Variants in ARL17B observed in about 807,000 individuals in gnomAD.
ARL17B encodes ADP-ribosylation factor-like protein 17.
In ARL17B at chr17:46,325,962, TG is replaced by T. The variant is rs1196891718; in HGVS notation, c.260-26298del. Among the ~76,000 whole-genome samples, 12 of 68,384 alleles carry T rather than the reference TG, an allele frequency of 1.8e-4. 3 individuals are homozygous for T. Among genetic ancestry groups the T allele is most frequent in the African/African-American group, 3.2e-4 (10 of 30,850 alleles). 44.9% of individuals were successfully genotyped at this position (68,384 alleles called of 152,430 possible). On this transcript the variant is annotated intron_variant, in intron 3 of 4. Coordinates refer to the ARL17B transcript ENST00000434041. ...AAAGAAAATGTTTAAAATAAAAAGT[TG>T]GGGGCAGAAAAAGAATACCAAAAAT...
At chr17:46,275,278 G>C (rs1413201792) in exon 5 of ARL17B, 2 of 566,400 alleles carry the variant, frequency 3.5e-6, no homozygotes, top group Non-Finnish European at 5.9e-6. Flanking sequence ...TTTAGGTCAA[G>C]TCTTGTCAGG....
chr17:46,281,204 G>A (rs1159174259), intron 4 of ARL17B, among the ~76,000 whole-genome samples: 1 of 152,120 alleles, frequency 6.6e-6, no homozygotes, highest in Non-Finnish European at 1.5e-5. Flanking sequence ...GGCTTATAAT[G>A]TTTATCAACT....
At chr17:46,284,359 G>C (rs1228626410) in intron 4 of ARL17B, among the ~76,000 whole-genome samples, 2 of 152,228 alleles carry the variant, frequency 1.3e-5, no homozygotes, top group African/African-American at 2.4e-5. Context: ...CTGCCTTCAA[G>C]CATCTGTTTA....
chr17:46,287,748 G>C (rs76415878), intron 4 of ARL17B, among the ~76,000 whole-genome samples: 6,791 of 129,788 alleles, frequency 0.052, no homozygotes, highest in Non-Finnish European at 0.086. Flanking sequence ...GTATGGGGAA[G>C]GATGCAAAGA....
chr17:46,281,907 G>T (rs1397962045), intron 4 of ARL17B, among the ~76,000 whole-genome samples: 1 of 152,196 alleles, frequency 6.6e-6, no homozygotes, highest in Non-Finnish European at 1.5e-5. Context: ...GCCTCCCAAA[G>T]TGCTGGGATT....
At chr17:46,283,214 C>G (rs2532318) in intron 4 of ARL17B, among the ~76,000 whole-genome samples, 19,700 of 151,644 alleles carry the variant, frequency 0.13, 11 homozygotes, top group Middle Eastern at 0.2. Flanking sequence ...TATACCCCCA[C>G]CAGCCTTGCT....
intron 3 of ARL17B, among the ~76,000 whole-genome samples, chr17:46,313,011 G>T (rs2050888314): frequency 2.7e-5 from 3 of 111,156 alleles, no homozygotes; most frequent in African/African-American, 1.0e-4. Context: ...CTGGCACCTG[G>T]TGTTCTATAC....
At chr17:46,278,600 C>G (rs1234075043) in intron 4 of ARL17B, among the ~76,000 whole-genome samples, 3 of 151,676 alleles carry the variant, frequency 2.0e-5, no homozygotes, top group African/African-American at 7.3e-5. Flanking sequence ...GATGAGGTTT[C>G]ACCATCTTGG....
At chr17:46,288,771 T>C (rs1347817099) in intron 4 of ARL17B, among the ~76,000 whole-genome samples, 1 of 151,116 alleles carries the variant, frequency 6.6e-6, no homozygotes, top group Non-Finnish European at 1.5e-5. Context: ...TGGCACAATC[T>C]CGGCTCAGTG....
At chr17:46,280,789 G>A (rs554079191) in intron 4 of ARL17B, among the ~76,000 whole-genome samples, 4 of 152,250 alleles carry the variant, frequency 2.6e-5, no homozygotes, top group African/African-American at 9.6e-5. Flanking sequence ...GGCCAGGATG[G>A]TCTCGAAATG....
chr17:46,308,039 AATC>A lies in ARL17B; in HGVS notation c.260-8377_260-8375del, dbSNP rs1173177356. Among the ~76,000 whole-genome samples the A allele has an allele frequency of 6.8e-5, 5 of 73,140 alleles. 2 individuals are homozygous for A. The highest frequency in any genetic ancestry group is 1.8e-4 in the African/African-American group (5 of 28,426). The allele number at this position is 73,140 out of a possible 152,430, so 48.0% of individuals were successfully genotyped here. ...ATAATAATAATAATATAATAATAATAATCATCATCATCATCTAGCCAGCTTCAC... is the reference window on the plus strand; with the variant it reads ...ATAATAATAATAATATAATAATAATAATCATCATCATCTAGCCAGCTTCAC... On this transcript the variant is annotated intron_variant, in intron 3 of 4. Transcript: ENST00000434041.
intron 4 of ARL17B, among the ~76,000 whole-genome samples, chr17:46,280,952 C>G (rs972202379): frequency 3.9e-5 from 6 of 152,204 alleles, no homozygotes; most frequent in African/African-American, 1.2e-4. Flanking sequence ...TGTATTTATT[C>G]TGACTTTACT....
intron 4 of ARL17B, among the ~76,000 whole-genome samples, chr17:46,289,037 T>G (rs1270970225): frequency 1.3e-5 from 2 of 152,196 alleles, no homozygotes; most frequent in African/African-American, 4.8e-5. Flanking sequence ...TTGCCATACT[T>G]TTTAAGTGCA....
chr17:46,279,558 G>C (rs1363878171), intron 4 of ARL17B, among the ~76,000 whole-genome samples: 7 of 140,288 alleles, frequency 5.0e-5, no homozygotes, highest in Admixed American at 2.3e-4. Flanking sequence ...CTGGAGTGTA[G>C]TTGCATGAAC....
intron 4 of ARL17B, among the ~76,000 whole-genome samples, chr17:46,284,930 C>A (rs1456994889): frequency 6.6e-6 from 1 of 152,246 alleles, no homozygotes; most frequent in Non-Finnish European, 1.5e-5. Context: ...AGTGGAGTGG[C>A]ACGATCATAG....
downstream of ARL17B, chr17:46,330,850 G>C (rs750059433): frequency 1.4e-5 from 10 of 719,268 alleles, 3 homozygotes; most frequent in Admixed American, 2.9e-4. Flanking sequence ...GGAGGGAACA[G>C]GGTGCCCAGG....
chr17:46,283,303 TG>T (rs1201119193), intron 4 of ARL17B, among the ~76,000 whole-genome samples: 1 of 152,232 alleles, frequency 6.6e-6, no homozygotes, highest in Non-Finnish European at 1.5e-5. Context: ...ATTCAACTCA[TG>T]TGTACCCACA....
In ARL17B at chr17:46,354,650, T is replaced by TA. The variant is rs1168841386; in HGVS notation, c.149-1721dup. Among the ~76,000 whole-genome samples, 621 of 103,940 alleles carry TA rather than the reference T, an allele frequency of 6.0e-3. 10 individuals carry two copies. The highest frequency in any genetic ancestry group is 0.023 in the African/African-American group (514 of 22,460). 68.2% of individuals were successfully genotyped at this position (103,940 alleles called of 152,430 possible). ...CGCCCCAAAAAATAAAATTAAAAAT[T>TA]AAAAAAAAAAGAAAGAATAAGCCGA... On this transcript the variant is annotated intron_variant, in intron 2 of 3. Transcript: ENST00000450673.
chr17:46,282,533 G>A (rs1215149806), intron 4 of ARL17B, among the ~76,000 whole-genome samples: 10 of 151,512 alleles, frequency 6.6e-5, no homozygotes, highest in Non-Finnish European at 1.3e-4. Flanking sequence ...TCCTGCCTCA[G>A]CCTCCCAAGT....
Sources: allele counts gnomAD v4.1 joint callset (sites outside exome capture counted in the v4.1 genomes callset), GRCh38; gene constraint gnomAD v4.1.1; transcripts MANE v1.5; gene names NCBI Gene and HGNC (gene_info 2026-07-23, HGNC 2026-07-21).